Variants in CNTN4 observed in about 807,000 individuals in gnomAD.
CNTN4 encodes contactin 4, also known as contactin-4.
Under a neutral mutation model 122.5 loss-of-function variants are expected in CNTN4, and 77 were observed. The ratio of observed to expected loss-of-function variants is 0.63; its 90% CI spans 0.52 to 0.76. CNTN4 has a LOEUF of 0.76. Ranked by LOEUF, CNTN4 falls within the 30% of genes least tolerant of loss-of-function variation. The pLI, the probability that CNTN4 is intolerant of heterozygous loss-of-function variation, is 0.00. For missense variants in CNTN4, 1,256 were observed against 1,259.1 expected, an observed-to-expected ratio of 1.00 and a Z score of 0.04; for synonymous variants, 512 against 447.0, an observed-to-expected ratio of 1.15 and a Z score of -1.83.
At chr3:2,715,175 C>T (rs112345830) in intron 4 of CNTN4, among the ~76,000 whole-genome samples, 52 of 152,034 alleles carry the variant, frequency 3.4e-4, no homozygotes, top group Middle Eastern at 3.4e-3. Flanking sequence ...CTTTATGTAC[C>T]CAGTAGAAAA....
intron 4 of CNTN4, among the ~76,000 whole-genome samples, chr3:2,631,097 G>A (rs1260648321): frequency 1.3e-5 from 2 of 152,114 alleles, no homozygotes; most frequent in Admixed American, 1.3e-4. Context: ...TGTTTTCTAA[G>A]AGCAATAGCC....
chr3:2,399,041 C>T (rs779559079), intron 3 of CNTN4, among the ~76,000 whole-genome samples: 1 of 151,894 alleles, frequency 6.6e-6, no homozygotes, highest in East Asian at 1.9e-4. Flanking sequence ...AAGCAACATA[C>T]AGAAAATATC....
At chr3:2,531,483 C>G (rs149484192) in intron 3 of CNTN4, among the ~76,000 whole-genome samples, 26 of 152,256 alleles carry the variant, frequency 1.7e-4, no homozygotes, top group African/African-American at 6.0e-4. Flanking sequence ...CTTTAGGGAT[C>G]CAAGCTGTTA....
chr3:2,863,799 G>T (rs1287945030), intron 7 of CNTN4, among the ~76,000 whole-genome samples: 1 of 152,024 alleles, frequency 6.6e-6, no homozygotes, highest in African/African-American at 2.4e-5. Flanking sequence ...AGTCCTGAAA[G>T]AAAAAAGTTG....
At chr3:2,693,387 A>T (rs1290010838) in intron 4 of CNTN4, among the ~76,000 whole-genome samples, 5 of 152,200 alleles carry the variant, frequency 3.3e-5, no homozygotes, top group Non-Finnish European at 7.3e-5. Flanking sequence ...GGTTGATTTT[A>T]TAAGGTTTTC....
intron 16 of CNTN4, among the ~76,000 whole-genome samples, chr3:3,033,528 T>G (rs1324734702): frequency 2.6e-5 from 4 of 152,224 alleles, no homozygotes; most frequent in African/African-American, 9.6e-5. Flanking sequence ...TCCCTGTCCC[T>G]GTGACATGGC....
intron 2 of CNTN4, among the ~76,000 whole-genome samples, chr3:2,236,177 G>A (rs557003150): frequency 6.6e-6 from 1 of 152,188 alleles, no homozygotes; most frequent in South Asian, 2.1e-4. Flanking sequence ...AGTCTCATTG[G>A]GAGCAGTTGT....
At chr3:2,307,216 A>G (rs1020465724) in intron 2 of CNTN4, among the ~76,000 whole-genome samples, 10 of 152,168 alleles carry the variant, frequency 6.6e-5, no homozygotes, top group African/African-American at 2.4e-4. Context: ...CGGGCAGACC[A>G]CAAGGTCAGG....
chr3:2,287,766 GAA>G (rs1559416253), intron 2 of CNTN4, among the ~76,000 whole-genome samples: 3 of 147,252 alleles, frequency 2.0e-5, no homozygotes, highest in Admixed American at 6.7e-5. Flanking sequence ...AGAAGAAGAA[GAA>G]GAAGAAGAAG....
intron 2 of CNTN4, among the ~76,000 whole-genome samples, chr3:2,319,222 C>T (rs1290085883): frequency 1.3e-5 from 2 of 152,046 alleles, no homozygotes; most frequent in Non-Finnish European, 2.9e-5. Context: ...TATTATTTAA[C>T]ATTCACAAGT....
chr3:2,329,537 T>TC (rs35292256), intron 2 of CNTN4, among the ~76,000 whole-genome samples: 49,223 of 152,038 alleles, frequency 0.32, 8,166 homozygotes, highest in Admixed American at 0.39. Context: ...AACCCTTCTG[T>TC]CTTTAAAGCA....
At chr3:2,321,385 C>T (rs11707697) in intron 2 of CNTN4, among the ~76,000 whole-genome samples, 18,747 of 152,024 alleles carry the variant, frequency 0.12, 1,404 homozygotes, top group Non-Finnish European at 0.17. Flanking sequence ...AATAATAAGG[C>T]TGTCCCCACA....
intron 13 of CNTN4, among the ~76,000 whole-genome samples, chr3:2,954,938 C>T (rs1260418988): frequency 6.6e-6 from 1 of 152,100 alleles, no homozygotes; most frequent in Non-Finnish European, 1.5e-5. Flanking sequence ...TAACCGTAGT[C>T]TCATTCCCTA....
intron 3 of CNTN4, among the ~76,000 whole-genome samples, chr3:2,527,709 A>G (rs2077449875): frequency 6.6e-6 from 1 of 152,098 alleles, no homozygotes; most frequent in African/African-American, 2.4e-5. Flanking sequence ...ATACCTGTCT[A>G]TTATTTAAAT....
At chr3:2,715,005 T>G (rs1480269935) in intron 4 of CNTN4, among the ~76,000 whole-genome samples, 1 of 152,212 alleles carries the variant, frequency 6.6e-6, no homozygotes, top group South Asian at 2.1e-4. Flanking sequence ...CTTTATCAAC[T>G]CCAATTAGAC....
intron 3 of CNTN4, among the ~76,000 whole-genome samples, chr3:2,565,781 C>A (rs1157462655): frequency 1.3e-5 from 2 of 152,114 alleles, no homozygotes; most frequent in Non-Finnish European, 2.9e-5. Flanking sequence ...CTCTTGCTTT[C>A]ATTTCTGTTT....
intron 2 of CNTN4, among the ~76,000 whole-genome samples, chr3:2,328,359 TGG>T (rs2043559538): frequency 2.6e-5 from 4 of 150,954 alleles, no homozygotes; most frequent in African/African-American, 9.7e-5. Context: ...TGAGCCAAGA[TGG>T]CGCCACCGCC....
chr3:2,766,144 T>C (rs2090848684), intron 6 of CNTN4, among the ~76,000 whole-genome samples: 1 of 152,226 alleles, frequency 6.6e-6, no homozygotes, highest in Non-Finnish European at 1.5e-5. Context: ...AAATATCACC[T>C]GTCTCTGCCA....
intron 4 of CNTN4, among the ~76,000 whole-genome samples, chr3:2,687,082 C>G (rs6762524): frequency 0.1 from 15,533 of 152,204 alleles, 856 homozygotes; most frequent in African/African-American, 0.14. Flanking sequence ...AAATAGGGAA[C>G]AGTGATTTTT....
Sources: gnomAD v4.1 joint callset for allele counts (sites outside exome capture counted in the v4.1 genomes callset) on GRCh38, gnomAD v4.1.1 for gene constraint, MANE v1.5 for transcripts, NCBI Gene and HGNC (gene_info 2026-07-23, HGNC 2026-07-21) for gene names.